Variants in STK39 observed in about 807,000 individuals in gnomAD.
The protein encoded by STK39 is STE20/SPS1-related proline-alanine-rich protein kinase.
STK39 carries 20 observed loss-of-function variants against 77.8 expected under a neutral mutation model. The ratio of observed to expected loss-of-function variants is 0.26; its 90% confidence interval spans 0.18 to 0.37. The LOEUF (loss-of-function observed/expected upper bound fraction) is 0.37, where lower values mean the gene tolerates loss of function less well. STK39 is among the 10% of genes least tolerant of loss of function. STK39 has a pLI of 1.00. For synonymous variants in STK39, 246 were observed against 234.1 expected (o/e 1.05, Z -0.47); for missense variants, 479 against 656.5 (o/e 0.73, Z 2.95).
intron 1 of STK39, among the ~76,000 whole-genome samples, chr2:168,206,108 T>C (rs924491592): frequency 6.6e-6 from 1 of 152,186 alleles, no homozygotes; most frequent in African/African-American, 2.4e-5. Context: ...ATATTCTCTG[T>C]AGTTACCACA....
intron 10 of STK39, among the ~76,000 whole-genome samples, chr2:168,126,481 T>C (rs975792759): frequency 6.6e-6 from 1 of 152,190 alleles, no homozygotes; most frequent in African/African-American, 2.4e-5. Flanking sequence ...ACATTTACTT[T>C]CCAGCAGCCA....
chr2:168,155,763 T>C (rs1355357060), intron 5 of STK39, among the ~76,000 whole-genome samples: 2 of 152,218 alleles, frequency 1.3e-5, no homozygotes, highest in African/African-American at 2.4e-5. Context: ...TGCAGTAGTA[T>C]ACATACCTAA....
chr2:168,140,898 GA>G, intron 5 of STK39, 140 bp from the exon 6 acceptor site: 44 of 623,710 alleles, frequency 7.1e-5, no homozygotes, highest in South Asian at 1.1e-4. Context: ...GCTCTCTCAG[GA>G]AAAAAAAGGA....
intron 10 of STK39, among the ~76,000 whole-genome samples, chr2:168,121,672 A>G (rs1311911973): frequency 6.6e-6 from 1 of 151,990 alleles, no homozygotes; most frequent in African/African-American, 2.4e-5. Flanking sequence ...CCTACAGGAC[A>G]CTCTCTTCAC....
intron 16 of STK39, among the ~76,000 whole-genome samples, chr2:167,967,298 T>A (rs1428018549): frequency 6.6e-6 from 1 of 152,126 alleles, no homozygotes; most frequent in Non-Finnish European, 1.5e-5. Context: ...CAGCCCACAA[T>A]CTCTGCCATT....
intron 16 of STK39, among the ~76,000 whole-genome samples, chr2:167,990,556 A>G (rs1683675286): frequency 6.6e-6 from 1 of 152,186 alleles, no homozygotes; most frequent in Non-Finnish European, 1.5e-5. Flanking sequence ...CTGGTTTCTG[A>G]GACATAACTC....
rs1340614702 is a variant in STK39 at position 168,188,538 on chromosome 2, C to CTTCCTTACT, written c.209-6457_209-6449dup. Among the ~76,000 whole-genome samples the CTTCCTTACT allele has an allele frequency of 3.9e-5, 6 of 152,322 alleles. No homozygotes were observed. In the East Asian group the frequency reaches 1.2e-3, roughly 29 times the overall value. ...TGCTATTCGCCTTCAAAGGTACACC[C>CTTCCTTACT]TTCCTTACTTGATGGTCCCAATTTT... is the stretch of plus-strand genomic sequence containing the variant. On this transcript the variant is annotated intron_variant, in intron 1 of 17. Transcript: ENST00000355999.
chr2:168,177,940 T>C (rs938249049), intron 2 of STK39, among the ~76,000 whole-genome samples: 1 of 152,064 alleles, frequency 6.6e-6, no homozygotes, highest in African/African-American at 2.4e-5. Flanking sequence ...CAGAAAAACA[T>C]CCCTTAGTTC....
At chr2:168,036,887 T>C (rs1406082423) in intron 14 of STK39, among the ~76,000 whole-genome samples, 3 of 152,136 alleles carry the variant, frequency 2.0e-5, no homozygotes, top group Non-Finnish European at 2.9e-5. Flanking sequence ...AAGGGATAAT[T>C]TGAGAGTTAC....
chr2:168,222,698 T>C (rs1334736438), intron 1 of STK39, among the ~76,000 whole-genome samples: 1 of 152,212 alleles, frequency 6.6e-6, no homozygotes, highest in Non-Finnish European at 1.5e-5. Flanking sequence ...CTATCTTAAT[T>C]ACCCTATAGG....
rs918185063 is a variant in STK39 at position 167,999,669 on chromosome 2, A to T, written c.1498+12965T>A. ...AGCAGAGATGGGGTTTCACCATGTT[A>T]GCCAGGATGGTCTCGATTTCCTGAC... On this transcript the variant is annotated intron_variant, in intron 16 of 17. Coordinates refer to ENST00000355999, the MANE Select transcript of STK39 (RefSeq NM_013233.3). Among the ~76,000 whole-genome samples the T allele has an allele frequency of 2.6e-5, 4 of 152,150 alleles. No individual in the cohort carries two copies. The East Asian group carries it at 5.8e-4, about 22-fold the overall frequency.
At chr2:168,230,751 C>T (rs1033730482) in intron 1 of STK39, among the ~76,000 whole-genome samples, 1 of 151,582 alleles carries the variant, frequency 6.6e-6, no homozygotes, top group East Asian at 1.9e-4. Context: ...GAGGCTGCTG[C>T]TGAATCATCC....
At chr2:168,137,231 T>A (rs1481115205) in intron 8 of STK39, among the ~76,000 whole-genome samples, 1 of 152,190 alleles carries the variant, frequency 6.6e-6, no homozygotes, top group Non-Finnish European at 1.5e-5. Context: ...AGTTATTATG[T>A]TTTAAAATAT....
intron 14 of STK39, among the ~76,000 whole-genome samples, chr2:168,062,279 G>T (rs73017389): frequency 2.6e-5 from 4 of 152,000 alleles, no homozygotes; most frequent in Non-Finnish European, 5.9e-5. Context: ...TCATAAATAC[G>T]GGCTGAATTA....
chr2:168,052,548 A>G (rs1036901476), intron 14 of STK39, among the ~76,000 whole-genome samples: 7 of 152,256 alleles, frequency 4.6e-5, no homozygotes, highest in African/African-American at 1.7e-4. Context: ...TGCAAACAGC[A>G]TCTTGTGAAG....
chr2:167,981,569 T>A (rs1213519081), intron 16 of STK39, among the ~76,000 whole-genome samples: 1 of 152,188 alleles, frequency 6.6e-6, no homozygotes, highest in Non-Finnish European at 1.5e-5. Context: ...ACTTATGGAA[T>A]ACAAAAAAAT....
chr2:168,069,077 C>T (rs562812541), intron 12 of STK39, among the ~76,000 whole-genome samples: 45 of 152,178 alleles, frequency 3.0e-4, no homozygotes, highest in African/African-American at 1.0e-3. Flanking sequence ...CCACCATGCT[C>T]GGCTAATTTT....
intron 17 of STK39, among the ~76,000 whole-genome samples, chr2:167,959,484 T>G (rs1289472991): frequency 6.6e-6 from 1 of 152,144 alleles, no homozygotes; most frequent in Non-Finnish European, 1.5e-5. Flanking sequence ...GAAAAAAATG[T>G]CTGCCAAATA....
intron 2 of STK39, among the ~76,000 whole-genome samples, chr2:168,174,119 T>C (rs561726318): frequency 1.1e-4 from 17 of 152,014 alleles, no homozygotes; most frequent in African/African-American, 4.1e-4. Flanking sequence ...GAAACATTTT[T>C]AAGAAATAGA....
Sources: allele counts gnomAD v4.1 joint callset (sites outside exome capture counted in the v4.1 genomes callset), GRCh38; gene constraint gnomAD v4.1.1; transcripts MANE v1.5; gene names NCBI Gene and HGNC (gene_info 2026-07-23, HGNC 2026-07-21).